The following LARP4 variants were observed in gnomAD, a reference collection of about 807,000 sequenced individuals.
LARP4 encodes the protein la-related protein 4.
In LARP4, 29 loss-of-function variants were observed where a neutral mutation model predicts 92.9. That is an observed-to-expected ratio of 0.31 (90% CI 0.23 to 0.43). LARP4 has a LOEUF of 0.43. LARP4 is among the 20% of genes least tolerant of loss of function. LARP4 has a pLI of 1.00. For missense variants in LARP4, 732 were observed against 860.0 expected (o/e 0.85, Z 1.86); for synonymous variants, 279 against 284.1 (o/e 0.98, Z 0.18).
chr12:50,441,125 C>T (rs1182023368), intron 7 of LARP4, among the ~76,000 whole-genome samples: 5 of 152,180 alleles, frequency 3.3e-5, no homozygotes, highest in East Asian at 3.9e-4. Flanking sequence ...CCTCGTGATT[C>T]GCCTGCCTCA....
intron 10 of LARP4, chr12:50,455,068 C>G (rs1293455073): frequency 6.6e-6 from 1 of 152,208 alleles, no homozygotes; most frequent in African/African-American, 2.4e-5. Flanking sequence ...GGCAGTTCAA[C>G]TCCAAAGCCC....
chr12:50,459,755 C>T lies in LARP4; in HGVS notation c.1122-1380C>T, dbSNP rs962397790. 4.2e-5 allele frequency among the ~76,000 whole-genome samples: 6 copies of T among 141,350 alleles called. No individual in the cohort carries two copies. The South Asian group carries it at 9.2e-4, about 22-fold the overall frequency. 92.7% of individuals were successfully genotyped at this position (141,350 alleles called of 152,430 possible). A position where few individuals can be genotyped will look rare whatever the true frequency, so the allele number is the denominator to read the frequency against. ...AGGAGAATCTCTTGAACCCGGGAGG[C>T]GGAGGTTGCAGTGACCTGAGATCGC... On this transcript the variant is annotated intron_variant, in intron 10 of 15. Transcript: ENST00000398473.
chr12:50,469,597 C>T (rs768533745), intron 13 of LARP4, among the ~76,000 whole-genome samples: 1 of 63,668 alleles, frequency 1.6e-5, no homozygotes, highest in Non-Finnish European at 3.3e-5. Context: ...GAGCGAGACT[C>T]TATCAAAAAA....
chr12:50,443,254 G>A (rs886081958), intron 8 of LARP4, among the ~76,000 whole-genome samples: 1 of 152,022 alleles, frequency 6.6e-6, no homozygotes, highest in African/African-American at 2.4e-5. Flanking sequence ...GAACCAATAT[G>A]GCTGTTTTGT....
At chr12:50,427,003 A>G (rs6580750) in intron 1 of LARP4, among the ~76,000 whole-genome samples, 147,353 of 152,118 alleles carry the variant, frequency 0.97, 71,559 homozygotes, top group East Asian at 1. Context: ...CTCCCAAAGT[A>G]TTGGGATTAT....
rs1048549068 is a variant in LARP4, at chr12:50,473,924, C to G, written c.1668-75C>G. 2.8e-5 allele frequency: 36 copies of G among 1,304,462 alleles called. No individual in the cohort carries two copies. In the Admixed American group the frequency reaches 6.7e-4, roughly 24 times the overall value. 80.8% of individuals were successfully genotyped at this position (1,304,462 alleles called of 1,614,324 possible). On this transcript the variant is annotated intron_variant, in intron 14 of 15. Coordinates refer to ENST00000398473, the MANE Select transcript of LARP4 (RefSeq NM_052879.5). ...GACTCCGTCTCAAAAAAAAAAATTA[C>G]GTTTTCTTCTGATTAGTTGCTCAAC...
intron 11 of LARP4, among the ~76,000 whole-genome samples, 186 bp from the exon 12 acceptor site, chr12:50,462,396 C>T (rs1010153954): frequency 6.6e-6 from 1 of 151,124 alleles, no homozygotes; most frequent in Admixed American, 6.6e-5. Flanking sequence ...AGGAGAATTG[C>T]TTGAACCCGG....
At chr12:50,475,496 TAA>T in intron 15 of LARP4, 28 bp from the exon 16 acceptor site, 1 of 1,503,520 alleles carries the variant, frequency 6.7e-7, no homozygotes, top group South Asian at 1.2e-5. Flanking sequence ...ATGTGTACCA[TAA>T]ATGTTTTTTT....
intron 2 of LARP4, among the ~76,000 whole-genome samples, chr12:50,428,243 G>T (rs1286672448): frequency 7.9e-5 from 12 of 152,008 alleles, no homozygotes; most frequent in African/African-American, 2.9e-4. Context: ...GGCCAGGCTG[G>T]TCTCGAACTC....
rs2139267746 is a variant in LARP4 at position 50,477,091 on chromosome 12, C to T, written c.*1227C>T. On this transcript the variant is annotated 3_prime_UTR_variant, in exon 16 of 16. Coordinates refer to ENST00000398473, the MANE Select transcript of LARP4 (RefSeq NM_052879.5). ...TACAGTGTATTACCTTCCTTCCCTC[C>T]TCTTCTCCCCCCACACCCAACAAAA... 1 of 152,586 alleles carries T rather than the reference C, an allele frequency of 6.6e-6. No homozygotes were observed. The highest frequency in any genetic ancestry group is 2.4e-5 in the African/African-American group (1 of 41,532). The allele number at this position is 152,586 out of a possible 1,614,324, so 9.5% of individuals were successfully genotyped here. A position where few individuals can be genotyped will look rare whatever the true frequency, so the allele number is the denominator to read the frequency against.
rs1469344529 is a variant in LARP4, at chr12:50,453,466, A to G, written c.811A>G (p.Ile271Val). The G allele has an allele frequency of 6.3e-7, 1 of 1,597,312 alleles. No individual in the cohort carries two copies. The highest frequency in any genetic ancestry group is 8.6e-7 in the Non-Finnish European group (1 of 1,165,392). ...TFQGKPIMARIKAINTFFAKN... is the reference protein window; with the variant it reads ...TFQGKPIMARVKAINTFFAKN... ...TAATGTGTTCCTCTTCTAGGCAAGG[A>G]TAAAAGCCATCAATACATTTTTTGC... The change falls in exon 9 of 16, where the codon ATA becomes GTA. Residue 271 changes from isoleucine (I) to valine (V), a missense_variant. Ile to Val is a conservative substitution (Grantham distance 29, BLOSUM62 3). Coordinates refer to ENST00000398473, the MANE Select transcript of LARP4 (RefSeq NM_052879.5).
At chr12:50,409,727 T>C (rs1945489215) in intron 1 of LARP4, among the ~76,000 whole-genome samples, 2 of 150,652 alleles carry the variant, frequency 1.3e-5, no homozygotes, top group African/African-American at 4.9e-5. Context: ...ATTGTGCCAC[T>C]GCACTCCAGC....
In LARP4 at chr12:50,461,308, C is replaced by T. The variant is rs1955337873; in HGVS notation, c.1295C>T (p.Thr432Ile). ...ACTTACCTTCAGAAGGAGACTTCCACTTTGCAGGTGGAACAGAATGGGGAC... is the reference window on the plus strand; with the variant it reads ...ACTTACCTTCAGAAGGAGACTTCCATTTTGCAGGTGGAACAGAATGGGGAC... ...EQTYLQKETS[T>I]LQVEQNGDYG... Residue 432 changes from threonine to isoleucine, a missense_variant, in exon 11 of 16, where the codon ACT becomes ATT. Transcript: ENST00000398473. 1.2e-6 allele frequency: 2 copies of T among 1,613,898 alleles called. No individual in the cohort carries two copies. Among genetic ancestry groups the T allele is most frequent in the African/African-American group, 1.3e-5 (1 of 74,866 alleles).
At chr12:50,412,450 A>G (rs1946068605) in intron 1 of LARP4, 1 of 970,706 alleles carries the variant, frequency 1.0e-6, no homozygotes, top group Non-Finnish European at 1.2e-6. Flanking sequence ...CTGATAGTAA[A>G]TAGGTAAGTA....
At chr12:50,412,113 G>A (rs1405383597) in intron 1 of LARP4, among the ~76,000 whole-genome samples, 1 of 152,172 alleles carries the variant, frequency 6.6e-6, no homozygotes, top group Non-Finnish European at 1.5e-5. Context: ...ACTTAACTGA[G>A]ATTGTTATGA....
Position 50,400,975 on chromosome 12 carries a change from C to G in LARP4, c.-36C>G, listed in dbSNP as rs1170188517. 1 of 1,613,942 alleles carries G rather than the reference C, an allele frequency of 6.2e-7. No individual in the cohort carries two copies. The highest frequency in any genetic ancestry group is 1.3e-5 in the African/African-American group (1 of 74,890). ...CGGGCCTGTGAGCCAGTTGGAGTTGCGGCGGCGGGAACGATTGGGCTGAGC... is the reference window on the plus strand; with the variant it reads ...CGGGCCTGTGAGCCAGTTGGAGTTGGGGCGGCGGGAACGATTGGGCTGAGC... On this transcript the variant is annotated 5_prime_UTR_variant, in exon 1 of 16. Coordinates refer to ENST00000398473, the MANE Select transcript of LARP4 (RefSeq NM_052879.5).
intron 4 of LARP4, among the ~76,000 whole-genome samples, chr12:50,432,671 C>T (rs548308769): frequency 6.6e-6 from 1 of 151,978 alleles, no homozygotes; most frequent in Non-Finnish European, 1.5e-5. Context: ...ATTAGCCTGA[C>T]CAACATGGTG....
chr12:50,436,194 A>C (rs867265905), intron 5 of LARP4, among the ~76,000 whole-genome samples: 1,659 of 119,256 alleles, frequency 0.014, 38 homozygotes, highest in African/African-American at 0.043. Context: ...ATATATATAT[A>C]TCCCGCTACT....
chr12:50,402,512 G>A (rs191929732), intron 1 of LARP4, among the ~76,000 whole-genome samples: 3 of 152,238 alleles, frequency 2.0e-5, no homozygotes, highest in African/African-American at 7.2e-5. Flanking sequence ...CTGGGCAGAA[G>A]AAAGATTGTG....
Sources: gnomAD v4.1 joint callset for allele counts (sites outside exome capture counted in the v4.1 genomes callset) on GRCh38, gnomAD v4.1.1 for gene constraint, MANE v1.5 for transcripts, NCBI Gene and HGNC (gene_info 2026-07-23, HGNC 2026-07-21) for gene names.